DLC1: variants seen among roughly 807,000 people sequenced by gnomAD.
The protein encoded by DLC1 is DLC1 Rho GTPase activating protein.
DLC1 carries 54 observed loss-of-function variants against 140.3 expected under a neutral mutation model. The observed-to-expected ratio is 0.38, with a 90% CI of 0.31 to 0.48. The LOEUF is 0.48. DLC1 is among the 20% of genes least tolerant of loss of function. DLC1 has a pLI of 0.96. For synonymous variants in DLC1, 986 were observed against 728.1 expected (o/e 1.35, Z -5.70); for missense variants, 2,536 against 1,907.0 (o/e 1.33, Z -6.14).
intron 4 of DLC1, among the ~76,000 whole-genome samples, chr8:13,342,942 G>C (rs759605063): frequency 1.3e-5 from 2 of 151,978 alleles, no homozygotes; most frequent in African/African-American, 2.4e-5. Flanking sequence ...ATTAGCTGCA[G>C]TTGTTTGACT....
intron 4 of DLC1, among the ~76,000 whole-genome samples, chr8:13,367,193 T>G (rs1226077679): frequency 6.6e-6 from 1 of 152,212 alleles, no homozygotes; most frequent in Non-Finnish European, 1.5e-5. Context: ...TTCTGGCTGC[T>G]GTCATACCTT....
intron 2 of DLC1, among the ~76,000 whole-genome samples, chr8:13,402,911 A>G (rs1837362607): frequency 6.6e-6 from 1 of 152,222 alleles, no homozygotes; most frequent in South Asian, 2.1e-4. Context: ...AAACAGCAAG[A>G]GCAGATTGTT....
chr8:13,344,594 G>T (rs911393467), intron 4 of DLC1, among the ~76,000 whole-genome samples: 2 of 152,174 alleles, frequency 1.3e-5, no homozygotes, highest in Non-Finnish European at 2.9e-5. Flanking sequence ...TTGGTGTTTT[G>T]CCACAAAGCA....
intron 5 of DLC1, among the ~76,000 whole-genome samples, chr8:13,190,792 G>T (rs868468150): frequency 2.6e-5 from 4 of 152,118 alleles, no homozygotes; most frequent in Non-Finnish European, 5.9e-5. Context: ...GAACCAAGCA[G>T]GGTTAGAGTG....
At chr8:13,250,903 G>T (rs67986297) in intron 5 of DLC1, among the ~76,000 whole-genome samples, 35,574 of 151,878 alleles carry the variant, frequency 0.23, 4,321 homozygotes, top group South Asian at 0.34. Flanking sequence ...AATGGATAAG[G>T]CTTTAAGATG....
intron 5 of DLC1, among the ~76,000 whole-genome samples, chr8:13,302,866 A>G (rs1445176533): frequency 6.6e-6 from 1 of 152,202 alleles, no homozygotes. Flanking sequence ...AAGACATGAA[A>G]GAAACAAGAT....
chr8:13,438,601 C>G (rs1159942078), intron 2 of DLC1, among the ~76,000 whole-genome samples: 2 of 152,148 alleles, frequency 1.3e-5, no homozygotes, highest in Non-Finnish European at 2.9e-5. Flanking sequence ...ACGCAACACT[C>G]ACGTCACTTT....
At chr8:13,341,630 G>A (rs1182301942) in intron 4 of DLC1, 1 of 152,170 alleles carries the variant, frequency 6.6e-6, no homozygotes, top group Non-Finnish European at 1.5e-5. Flanking sequence ...TTAGAATGTT[G>A]TAAGGACACG....
intron 1 of DLC1, among the ~76,000 whole-genome samples, chr8:13,523,891 G>A (rs1273702979): frequency 6.6e-6 from 1 of 151,536 alleles, no homozygotes; most frequent in Non-Finnish European, 1.5e-5. Flanking sequence ...TGTTCCCAAG[G>A]GGGAGGGGAG....
intron 2 of DLC1, among the ~76,000 whole-genome samples, chr8:13,470,426 C>T (rs931379445): frequency 6.6e-6 from 1 of 152,052 alleles, no homozygotes; most frequent in African/African-American, 2.4e-5. Context: ...CCAAACCCCT[C>T]CTAATAACCT....
Position 13,128,531 on chromosome 8 carries a change from A to G in DLC1, c.1349-12874T>C, listed in dbSNP as rs137955727. ...GAAGTCTCGTTGCTGCCTGGGAGAC[A>G]CTAAGAAAACATATGGGCTTGCTGG... On this transcript the variant is annotated intron_variant, in intron 5 of 17. Transcript: ENST00000276297. 7.9e-3 allele frequency among the ~76,000 whole-genome samples: 1,198 copies of G among 152,344 alleles called. 18 individuals carry two copies. Among genetic ancestry groups the G allele is most frequent in the African/African-American group, 0.028 (1,158 of 41,580 alleles).
intron 4 of DLC1, among the ~76,000 whole-genome samples, chr8:13,361,355 A>G (rs1282003144): frequency 6.6e-6 from 1 of 151,852 alleles, no homozygotes; most frequent in African/African-American, 2.4e-5. Flanking sequence ...CCTGGGCTCA[A>G]GCAATCCTCC....
At chr8:13,551,075 C>CACACACACACACACACACACACACTT (rs71207163) in intron 1 of DLC1, among the ~76,000 whole-genome samples, 2 of 121,718 alleles carry the variant, frequency 1.6e-5, no homozygotes, top group Non-Finnish European at 3.3e-5. Flanking sequence ...CACACACACA[C>CACACACACACACACACACACACACTT]TTTTTTTTTT....
intron 5 of DLC1, among the ~76,000 whole-genome samples, chr8:13,259,490 T>A (rs1830395264): frequency 6.6e-6 from 1 of 152,214 alleles, no homozygotes; most frequent in Non-Finnish European, 1.5e-5. Flanking sequence ...GTATGATAAA[T>A]CCACCTGTCT....
At chr8:13,535,937 G>C (rs1229004995) in intron 1 of DLC1, 2 of 152,112 alleles carry the variant, frequency 1.3e-5, no homozygotes, top group Non-Finnish European at 2.9e-5. Flanking sequence ...GTGTTAGCAA[G>C]AATTTTTTAA....
At chr8:13,417,146 A>AT (rs904250206) in intron 2 of DLC1, among the ~76,000 whole-genome samples, 1 of 152,122 alleles carries the variant, frequency 6.6e-6, no homozygotes, top group Non-Finnish European at 1.5e-5. Flanking sequence ...ACACGATGGG[A>AT]TTTTTAGGAA....
At chr8:13,479,879 G>GA (rs1800632720) in intron 2 of DLC1, among the ~76,000 whole-genome samples, 4 of 93,644 alleles carry the variant, frequency 4.3e-5, no homozygotes, top group African/African-American at 3.8e-5. Flanking sequence ...AAGAAAGAAA[G>GA]AAAGAAAGAA....
At chr8:13,449,908 C>T (rs1798962507) in intron 2 of DLC1, among the ~76,000 whole-genome samples, 1 of 151,822 alleles carries the variant, frequency 6.6e-6, no homozygotes, top group South Asian at 2.1e-4. Flanking sequence ...AAGAACACAG[C>T]AGTGGGGTTC....
At chr8:13,378,498 A>G (rs1419049368) in intron 4 of DLC1, among the ~76,000 whole-genome samples, 1 of 152,084 alleles carries the variant, frequency 6.6e-6, no homozygotes, top group Non-Finnish European at 1.5e-5. Context: ...CTTGTGCACT[A>G]TAAATTACAT....
Sources: gnomAD v4.1 joint callset for allele counts (sites outside exome capture counted in the v4.1 genomes callset) on GRCh38, gnomAD v4.1.1 for gene constraint, MANE v1.5 for transcripts, NCBI Gene and HGNC (gene_info 2026-07-23, HGNC 2026-07-21) for gene names.